Variants in VOPP1 observed in about 807,000 individuals in gnomAD.
VOPP1 encodes the protein WW domain binding protein VOPP1.
A neutral mutation model predicts 23.5 loss-of-function variants in VOPP1; 8 were observed. The ratio of observed to expected loss-of-function variants is 0.34; its 90% CI spans 0.20 to 0.61. The LOEUF (loss-of-function observed/expected upper bound fraction) is 0.61. VOPP1 is among the 20% of genes least tolerant of loss of function. The probability of loss-of-function intolerance (pLI) is 0.78; values close to 1 mark genes in which losing one functional copy is unlikely to be tolerated. For synonymous variants in VOPP1, 83 were observed against 97.3 expected, an observed-to-expected ratio of 0.85 and a Z score of 0.86; for missense variants, 174 against 238.1, an observed-to-expected ratio of 0.73 and a Z score of 1.77.
At chr7:55,448,204 C>T (rs1165982917) in intron 4 of VOPP1, among the ~76,000 whole-genome samples, 3 of 152,068 alleles carry the variant, frequency 2.0e-5, no homozygotes, top group African/African-American at 7.2e-5. Context: ...GTACGTAAAA[C>T]ATAGTGACAA....
rs145581810 is a variant in VOPP1 at position 55,531,657 on chromosome 7, C to T, written c.55-10527G>A. On this transcript the variant is annotated intron_variant, in intron 1 of 4. Coordinates refer to ENST00000285279, the MANE Select transcript of VOPP1 (RefSeq NM_030796.5). Reference sequence around the variant, plus strand: ...ATGAGCCATCGCGCCCAGAAAAAGTCATCTTTTTTTGATGTAATTGCAGAG... The same window carrying T: ...ATGAGCCATCGCGCCCAGAAAAAGTTATCTTTTTTTGATGTAATTGCAGAG... Among the ~76,000 whole-genome samples, 818 of 152,182 alleles carry T rather than the reference C, an allele frequency of 5.4e-3. 11 individuals carry two copies. The highest frequency in any genetic ancestry group is 0.019 in the African/African-American group (782 of 41,524).
intron 4 of VOPP1, among the ~76,000 whole-genome samples, chr7:55,485,062 G>C (rs993128835): frequency 4.6e-5 from 7 of 152,154 alleles, no homozygotes; most frequent in African/African-American, 1.7e-4. Flanking sequence ...CTTTTTGTTT[G>C]TTTTTTTAGG....
chr7:55,518,794 T>C (rs1795642241), intron 2 of VOPP1, among the ~76,000 whole-genome samples: 1 of 135,050 alleles, frequency 7.4e-6, no homozygotes, highest in Non-Finnish European at 1.6e-5. Context: ...CTCTTGAAAG[T>C]CTACTGTTAA....
chr7:55,485,643 T>C (rs1036552731), intron 4 of VOPP1, among the ~76,000 whole-genome samples: 1 of 152,254 alleles, frequency 6.6e-6, no homozygotes, highest in Non-Finnish European at 1.5e-5. Context: ...CCGGCTGTCC[T>C]GTGGCTGCAC....
At chr7:55,524,293 T>C (rs1383418847) in intron 1 of VOPP1, among the ~76,000 whole-genome samples, 1 of 152,258 alleles carries the variant, frequency 6.6e-6, no homozygotes, top group Non-Finnish European at 1.5e-5. Context: ...AACCCGTTTG[T>C]TCCTTTACAA....
rs552399218 is a variant in VOPP1, at chr7:55,546,546, G to A, written c.55-25416C>T. ...TATACCAATGTTGGTTTCCTTTTTA[G>A]GCAAATGCAGCATGGCAATGTAAGT... is the stretch of plus-strand genomic sequence containing the variant. On this transcript the variant is annotated intron_variant, in intron 1 of 4. Coordinates refer to ENST00000285279, the MANE Select transcript of VOPP1 (RefSeq NM_030796.5). Among the ~76,000 whole-genome samples the A allele has an allele frequency of 5.3e-5, 8 of 152,308 alleles. 1 individual carries two copies. Among genetic ancestry groups the A allele is most frequent in the African/African-American group, 1.9e-4 (8 of 41,562 alleles).
intron 4 of VOPP1, chr7:55,436,183 AAAGT>A (rs1562874861): frequency 6.6e-6 from 1 of 152,252 alleles, no homozygotes; most frequent in East Asian, 1.9e-4. Context: ...GTCTACAAAG[AAAGT>A]AATAAATACA....
At chr7:55,529,302 T>C (rs1584041326) in intron 1 of VOPP1, among the ~76,000 whole-genome samples, 1 of 144,416 alleles carries the variant, frequency 6.9e-6, no homozygotes. Flanking sequence ...GAGGCGGAGG[T>C]TACAGTGAGC....
chr7:55,460,913 TA>T (rs1791484337), intron 4 of VOPP1, among the ~76,000 whole-genome samples: 1 of 152,194 alleles, frequency 6.6e-6, no homozygotes. Flanking sequence ...ATAGTTGGGT[TA>T]TTTTTAAAAA....
At chr7:55,538,294 ACT>A (rs1796927523) in intron 1 of VOPP1, among the ~76,000 whole-genome samples, 1 of 152,078 alleles carries the variant, frequency 6.6e-6, no homozygotes, top group Non-Finnish European at 1.5e-5. Context: ...ACTGAGCTAC[ACT>A]CTCTGGTCCT....
chr7:55,552,692 C>T lies in VOPP1; in HGVS notation c.54+19579G>A. On this transcript the variant is annotated intron_variant, in intron 1 of 4. Coordinates refer to ENST00000285279, the MANE Select transcript of VOPP1 (RefSeq NM_030796.5). The stretch of plus-strand genomic sequence containing the variant: ...TTCCAACAATGGGGGGCACTCAGGT[C>T]CTGGAGCCCCAGCCCCTCCGAAGGC... The T allele has an allele frequency of 2.0e-6, 3 of 1,536,048 alleles. No individual in the cohort carries two copies. In the Admixed American group the frequency reaches 5.9e-5, roughly 30 times the overall value.
Position 55,509,035 on chromosome 7 carries a change from C to T in VOPP1, c.114-11345G>A, listed in dbSNP as rs548906367. On this transcript the variant is annotated intron_variant, in intron 2 of 4. Coordinates refer to ENST00000285279, the MANE Select transcript of VOPP1 (RefSeq NM_030796.5). ...TCCAGCCTAGGTGACAGAGCAAGACCCTGTCTCAAATTTATTATCAATTTT... is the reference window on the plus strand; with the variant it reads ...TCCAGCCTAGGTGACAGAGCAAGACTCTGTCTCAAATTTATTATCAATTTT... Among the ~76,000 whole-genome samples, 63 of 152,188 alleles carry T rather than the reference C, an allele frequency of 4.1e-4. 1 individual carries two copies. The highest frequency in any genetic ancestry group is 1.4e-3 in the African/African-American group (60 of 41,510).
intron 2 of VOPP1, among the ~76,000 whole-genome samples, chr7:55,509,434 G>A (rs937144927): frequency 3.3e-5 from 5 of 152,142 alleles, no homozygotes; most frequent in Non-Finnish European, 7.4e-5. Context: ...AAAGAGGGCA[G>A]GGGAGCTCCC....
intron 2 of VOPP1, among the ~76,000 whole-genome samples, chr7:55,505,389 G>A (rs752970821): frequency 1.3e-5 from 2 of 152,130 alleles, no homozygotes; most frequent in Non-Finnish European, 2.9e-5. Flanking sequence ...GGGAAAGAAA[G>A]AAGGTTGCAC....
At chr7:55,454,149 C>T (rs796248452) in intron 4 of VOPP1, among the ~76,000 whole-genome samples, 37 of 152,210 alleles carry the variant, frequency 2.4e-4, no homozygotes, top group African/African-American at 8.4e-4. Context: ...ATAGCTCTCA[C>T]CTCAGTCATT....
At chr7:55,571,652 G>A (rs1008885355) in intron 1 of VOPP1, 1 of 152,288 alleles carries the variant, frequency 6.6e-6, no homozygotes, top group Admixed American at 6.5e-5. Flanking sequence ...GTTCCCCGCC[G>A]GCTTCGGCTC....
At chr7:55,495,625 C>T (rs963069300) in intron 3 of VOPP1, among the ~76,000 whole-genome samples, 5 of 152,356 alleles carry the variant, frequency 3.3e-5, no homozygotes, top group African/African-American at 1.2e-4. Context: ...AAAGTATCCA[C>T]ACCTCATTAT....
chr7:55,541,487 C>A (rs1286262096), intron 1 of VOPP1, among the ~76,000 whole-genome samples: 1 of 152,214 alleles, frequency 6.6e-6, no homozygotes, highest in Non-Finnish European at 1.5e-5. Context: ...AAATGTGGAA[C>A]ATTTGACCCC....
chr7:55,547,801 A>C (rs2129052779), intron 1 of VOPP1, among the ~76,000 whole-genome samples: 1 of 152,338 alleles, frequency 6.6e-6, no homozygotes, highest in Middle Eastern at 3.4e-3. Flanking sequence ...CATATCTTTC[A>C]CACAGCAAGA....
Sources: allele counts gnomAD v4.1 joint callset (sites outside exome capture counted in the v4.1 genomes callset), GRCh38; gene constraint gnomAD v4.1.1; transcripts MANE v1.5; gene names NCBI Gene and HGNC (gene_info 2026-07-23, HGNC 2026-07-21).